FANK1: variants seen among roughly 807,000 people sequenced by gnomAD.
FANK1 encodes fibronectin type 3 and ankyrin repeat domains protein 1.
A neutral mutation model predicts 45.3 loss-of-function variants in FANK1; 44 were observed. The ratio of observed to expected loss-of-function variants is 0.97; its 90% CI spans 0.76 to 1.25. The LOEUF (loss-of-function observed/expected upper bound fraction) is 1.25. Among genes scored for constraint, FANK1 ranks in the 50% most tolerant of loss-of-function variants. The pLI, the probability that FANK1 is intolerant of heterozygous loss-of-function variation, is 0.00. For missense variants in FANK1, 391 were observed against 424.4 expected, an observed-to-expected ratio of 0.92 and a Z score of 0.69; for synonymous variants, 149 against 152.5, an observed-to-expected ratio of 0.98 and a Z score of 0.17.
intron 1 of FANK1, among the ~76,000 whole-genome samples, chr10:125,906,842 C>T (rs984300235): frequency 2.0e-5 from 3 of 152,290 alleles, no homozygotes; most frequent in Middle Eastern, 3.4e-3. Flanking sequence ...ACTTTTGTTT[C>T]TTGATTACAT....
chr10:125,970,221 C>G (rs952700457), intron 1 of FANK1, among the ~76,000 whole-genome samples: 3 of 152,030 alleles, frequency 2.0e-5, no homozygotes, highest in African/African-American at 7.2e-5. Context: ...GGGCCCCCCA[C>G]CCCCCAGAGG....
At chr10:125,944,711 C>T (rs190213227) in intron 1 of FANK1, among the ~76,000 whole-genome samples, 1 of 152,374 alleles carries the variant, frequency 6.6e-6, no homozygotes, top group East Asian at 1.9e-4. Context: ...CGATCTGTGC[C>T]TTAAGGACAT....
chr10:125,900,855 G>C lies in FANK1; in HGVS notation c.13+4200G>C, dbSNP rs1564847026. On this transcript the variant is annotated intron_variant, in intron 1 of 10. Coordinates refer to ENST00000368693, the MANE Select transcript of FANK1 (RefSeq NM_145235.5). ...TATAGAGACAGGGTTTCACCATGTTGGTCAGGCTGGTCTCGAACTCCTGAT... is the reference window on the plus strand; with the variant it reads ...TATAGAGACAGGGTTTCACCATGTTCGTCAGGCTGGTCTCGAACTCCTGAT... 2.0e-5 allele frequency among the ~76,000 whole-genome samples: 3 copies of C among 152,100 alleles called. No individual in the cohort carries two copies. In the South Asian group the frequency reaches 6.2e-4, roughly 32 times the overall value.
At chr10:125,993,845 C>T (rs1952112639) in intron 3 of FANK1, among the ~76,000 whole-genome samples, 1 of 152,158 alleles carries the variant, frequency 6.6e-6, no homozygotes, top group Non-Finnish European at 1.5e-5. Context: ...ATTGTTATTT[C>T]AAAATAATTT....
intron 1 of FANK1, among the ~76,000 whole-genome samples, chr10:125,948,658 A>T (rs1043558367): frequency 6.6e-6 from 1 of 152,258 alleles, no homozygotes; most frequent in Admixed American, 6.5e-5. Flanking sequence ...GACCAGATGG[A>T]TTCACAGCTG....
chr10:125,985,844 G>A (rs1392295258), intron 2 of FANK1, among the ~76,000 whole-genome samples: 1 of 152,224 alleles, frequency 6.6e-6, no homozygotes, highest in Non-Finnish European at 1.5e-5. Context: ...GGCCAGGACA[G>A]CAGGAGACTG....
chr10:125,925,370 A>G (rs1947274713), intron 1 of FANK1, among the ~76,000 whole-genome samples: 1 of 152,232 alleles, frequency 6.6e-6, no homozygotes, highest in Non-Finnish European at 1.5e-5. Flanking sequence ...TAGCTATAGT[A>G]ACTTTGGTTA....
rs183123316 is a variant in FANK1, at chr10:125,981,393, G to C, written c.191+1055G>C. On this transcript the variant is annotated intron_variant, in intron 2 of 10. Transcript: ENST00000368693. ...TGTGGTGGCTTATGCCTGTAGTCCCGGGCTGAGGTGGGAGGATCACTTGAG... is the reference window on the plus strand; with the variant it reads ...TGTGGTGGCTTATGCCTGTAGTCCCCGGCTGAGGTGGGAGGATCACTTGAG... 4.3e-3 allele frequency among the ~76,000 whole-genome samples: 655 copies of C among 151,624 alleles called. 2 individuals are homozygous for C. The highest frequency in any genetic ancestry group is 0.01 in the Middle Eastern group (3 of 294).
chr10:125,968,086 T>G (rs1253310634), intron 1 of FANK1, among the ~76,000 whole-genome samples: 2 of 152,088 alleles, frequency 1.3e-5, no homozygotes, highest in African/African-American at 4.8e-5. Flanking sequence ...TCTTCTTTTT[T>G]TTTTTTCTTT....
chr10:125,924,530 G>A (rs1947195644), intron 1 of FANK1, among the ~76,000 whole-genome samples: 1 of 152,176 alleles, frequency 6.6e-6, no homozygotes, highest in African/African-American at 2.4e-5. Flanking sequence ...GGGATTACAG[G>A]CTTGAGCCAC....
chr10:125,938,333 A>G (rs984916575), intron 1 of FANK1, among the ~76,000 whole-genome samples: 1 of 152,242 alleles, frequency 6.6e-6, no homozygotes, highest in African/African-American at 2.4e-5. Context: ...AAGTCTAGAA[A>G]CAATGATTGC....
chr10:126,002,763 C>CTT (rs375158618), intron 6 of FANK1, among the ~76,000 whole-genome samples: 1,152 of 113,132 alleles, frequency 0.01, 19 homozygotes, highest in African/African-American at 0.02. Context: ...TTTGCCTCTC[C>CTT]TTTTTTTTTT....
intron 1 of FANK1, among the ~76,000 whole-genome samples, chr10:125,976,692 C>T (rs868608251): frequency 5.3e-5 from 8 of 151,924 alleles, no homozygotes; most frequent in Non-Finnish European, 1.2e-4. Context: ...GAACAATCTC[C>T]GCTCACTGCA....
chr10:125,932,993 G>T (rs1247732822), intron 1 of FANK1, among the ~76,000 whole-genome samples: 2 of 152,064 alleles, frequency 1.3e-5, no homozygotes, highest in Non-Finnish European at 2.9e-5. Context: ...TTTGTGTGGT[G>T]TACCACATTT....
intron 1 of FANK1, among the ~76,000 whole-genome samples, chr10:125,976,087 A>C (rs1950834831): frequency 6.6e-6 from 1 of 150,794 alleles, no homozygotes; most frequent in African/African-American, 2.4e-5. Context: ...TAGGAAGCTT[A>C]GTTTGGCAGG....
rs1023536048 is a variant in FANK1 at position 125,933,365 on chromosome 10, G to T, written c.13+36710G>T. Among the ~76,000 whole-genome samples, 14 of 152,180 alleles carry T rather than the reference G, an allele frequency of 9.2e-5. No individual in the cohort carries two copies. The East Asian group carries it at 2.1e-3, about 23-fold the overall frequency. On this transcript the variant is annotated intron_variant, in intron 1 of 10. Coordinates refer to ENST00000368693, the MANE Select transcript of FANK1 (RefSeq NM_145235.5). Reference sequence around the variant, plus strand: ...ATTCTTCCTGATTTAAGCTAGGAGGGTTGTATTTTTTCCAGGGATTTATCC... The same window carrying T: ...ATTCTTCCTGATTTAAGCTAGGAGGTTTGTATTTTTTCCAGGGATTTATCC...
At chr10:126,001,642 C>T (rs1283230287) in intron 6 of FANK1, among the ~76,000 whole-genome samples, 1 of 152,146 alleles carries the variant, frequency 6.6e-6, no homozygotes, top group African/African-American at 2.4e-5. Context: ...TAACAGACCC[C>T]ATGGGTGCCA....
chr10:125,997,380 A>G (rs1373517659), intron 5 of FANK1, 40 bp from the exon 6 acceptor site: 4 of 1,573,402 alleles, frequency 2.5e-6, no homozygotes, highest in Non-Finnish European at 3.5e-6. Context: ...TGAGTGATCA[A>G]GGTGACTTAT....
intron 7 of FANK1, among the ~76,000 whole-genome samples, chr10:126,005,255 G>A (rs546286034): frequency 2.9e-4 from 44 of 152,032 alleles, no homozygotes; most frequent in Admixed American, 2.9e-3. Flanking sequence ...CTTGTGTAGG[G>A]AAAAGAAACA....
Sources: gnomAD v4.1 joint callset for allele counts (sites outside exome capture counted in the v4.1 genomes callset) on GRCh38, gnomAD v4.1.1 for gene constraint, MANE v1.5 for transcripts, NCBI Gene and HGNC (gene_info 2026-07-23, HGNC 2026-07-21) for gene names.